Variants in SGK1 observed in about 807,000 individuals in gnomAD.
The protein encoded by SGK1 is serine/threonine-protein kinase Sgk1.
In SGK1, 26 loss-of-function variants were observed where a neutral mutation model predicts 64.2. The ratio of observed to expected loss-of-function variants is 0.40; its 90% CI spans 0.30 to 0.56. The LOEUF (loss-of-function observed/expected upper bound fraction) is 0.56, where lower values mean the gene tolerates loss of function less well. Ranked by LOEUF, SGK1 falls within the 20% of genes least tolerant of loss-of-function variation. SGK1 has a pLI of 0.38. For synonymous variants in SGK1, 265 were observed against 239.7 expected (o/e 1.11, Z -0.98); for missense variants, 519 against 645.6 (o/e 0.80, Z 2.12).
intron 2 of SGK1, among the ~76,000 whole-genome samples, chr6:134,220,559 AT>A (rs761946802): frequency 2.6e-5 from 4 of 152,174 alleles, no homozygotes; most frequent in Non-Finnish European, 5.9e-5. Flanking sequence ...TTACTTGACT[AT>A]GTATGTGCCC....
At chr6:134,303,416 T>C (rs1475237233) in intron 1 of SGK1, among the ~76,000 whole-genome samples, 3 of 151,116 alleles carry the variant, frequency 2.0e-5, no homozygotes, top group African/African-American at 7.3e-5. Flanking sequence ...AAAAAAAAGA[T>C]AGTTAAGGCT....
At chr6:134,176,744 T>G (rs1775243848) in intron 3 of SGK1, among the ~76,000 whole-genome samples, 1 of 152,140 alleles carries the variant, frequency 6.6e-6, no homozygotes, top group Non-Finnish European at 1.5e-5. Context: ...GCCTTTTCCT[T>G]GGTCTTGGGC....
intron 2 of SGK1, among the ~76,000 whole-genome samples, chr6:134,209,025 G>A (rs1775841997): frequency 6.6e-6 from 1 of 151,924 alleles, no homozygotes; most frequent in African/African-American, 2.4e-5. Flanking sequence ...TCTGCATACT[G>A]TTTTCCATAG....
rs367955096 is a variant in SGK1, at chr6:134,313,356, C to CCAAA, written c.69+4032_69+4035dup. On this transcript the variant is annotated intron_variant, in intron 1 of 13. Transcript: ENST00000367858. ...CTTGTCTCTGCAAACAACCAACCAA[C>CCAAA]CAAACAAACAAACAAAAATAACAAC... Among the ~76,000 whole-genome samples the CCAAA allele has an allele frequency of 8.5e-4, 129 of 152,128 alleles. 1 individual carries two copies. The South Asian group carries it at 0.014, about 16-fold the overall frequency.
chr6:134,303,814 G>GAAAAT (rs200147383), intron 1 of SGK1, among the ~76,000 whole-genome samples: 1 of 151,052 alleles, frequency 6.6e-6, no homozygotes, highest in Non-Finnish European at 1.5e-5. Flanking sequence ...GAAAAGAAAA[G>GAAAAT]AAAGAAACTT....
In SGK1 at chr6:134,201,307, G is replaced by A. The variant is rs555713690; in HGVS notation, c.361+6049C>T. 7.9e-5 allele frequency among the ~76,000 whole-genome samples: 12 copies of A among 151,764 alleles called. 1 individual carries two copies. The highest frequency in any genetic ancestry group is 5.9e-4 in the East Asian group (3 of 5,084). On this transcript the variant is annotated intron_variant, in intron 3 of 13. Coordinates refer to ENST00000367858, the MANE Select transcript of SGK1 (RefSeq NM_001143676.3). The stretch of plus-strand genomic sequence containing the variant: ...CATCTCCTGACCTCATGATCCGCCC[G>A]TCTCGGCCTCCCAAGGTGCTGGGAT...
intron 3 of SGK1, among the ~76,000 whole-genome samples, chr6:134,176,942 G>A (rs1322050733): frequency 2.6e-5 from 4 of 152,222 alleles, no homozygotes; most frequent in African/African-American, 9.7e-5. Context: ...GGGGCCGGGC[G>A]CAGTGGCTCA....
intron 1 of SGK1, chr6:134,297,076 T>C: frequency 4.2e-6 from 2 of 480,720 alleles, no homozygotes; most frequent in Non-Finnish European, 7.9e-6. Context: ...ACAGCCCTGG[T>C]GGAGCTGATG....
intron 2 of SGK1, among the ~76,000 whole-genome samples, chr6:134,210,774 G>A (rs979424277): frequency 2.1e-5 from 3 of 145,448 alleles, no homozygotes; most frequent in African/African-American, 5.2e-5. Flanking sequence ...ATTGTGTCAC[G>A]GCACTCCTGC....
chr6:134,201,316 T>C (rs1380277087), intron 3 of SGK1, among the ~76,000 whole-genome samples: 2 of 151,956 alleles, frequency 1.3e-5, no homozygotes, highest in African/African-American at 2.4e-5. Flanking sequence ...CGTCTCGGCC[T>C]CCCAAGGTGC....
intron 3 of SGK1, among the ~76,000 whole-genome samples, chr6:134,187,039 C>T (rs1775436551): frequency 6.6e-6 from 1 of 152,078 alleles, no homozygotes; most frequent in Non-Finnish European, 1.5e-5. Flanking sequence ...TGGTCTCGAA[C>T]TCCTAACCTC....
At position 134,170,221 on chromosome 6, in the gene SGK1, A is replaced by T. The variant is rs745855329; in HGVS notation, c.*47T>A. 2 of 1,525,550 alleles carry T rather than the reference A, an allele frequency of 1.3e-6. No individual in the cohort carries two copies. Among genetic ancestry groups the T allele is most frequent in the Non-Finnish European group, 1.8e-6 (2 of 1,120,822 alleles). 94.5% of individuals were successfully genotyped at this position (1,525,550 alleles called of 1,614,324 possible). ...GCTCCACCAAAAGGCTAACTAAAAC[A>T]TTCGGAAACACACATAAAATCCTTT... On this transcript the variant is annotated 3_prime_UTR_variant, in exon 14 of 14. Coordinates refer to ENST00000367858, the MANE Select transcript of SGK1 (RefSeq NM_001143676.3).
chr6:134,250,538 T>C (rs1484811238), intron 2 of SGK1, among the ~76,000 whole-genome samples: 1 of 152,192 alleles, frequency 6.6e-6, no homozygotes, highest in Non-Finnish European at 1.5e-5. Context: ...TATGGACAAA[T>C]GTGTGTCTCA....
At position 134,174,951 on chromosome 6, in the gene SGK1, G is replaced by GCCTCGCC. The variant is rs753004654; in HGVS notation, c.362-372_362-366dup. 8.2e-4 allele frequency: 1,167 copies of GCCTCGCC among 1,425,582 alleles called. 1 individual carries two copies. Among genetic ancestry groups the GCCTCGCC allele is most frequent in the Non-Finnish European group, 9.9e-4 (1,073 of 1,080,660 alleles). The allele number at this position is 1,425,582 out of a possible 1,614,324, so 88.3% of individuals were successfully genotyped here. On this transcript the variant is annotated intron_variant, in intron 3 of 13. Transcript: ENST00000367858. Reference sequence around the variant, plus strand: ...ACAGTGAGAAGTGGCCCCGCCCTTCGCCTCGCCCCTCGCCCCGCCCCGGCC... The same window carrying GCCTCGCC: ...ACAGTGAGAAGTGGCCCCGCCCTTCGCCTCGCCCCTCGCCCCTCGCCCCGCCCCGGCC...
intron 2 of SGK1, among the ~76,000 whole-genome samples, chr6:134,230,772 C>G (rs6569935): frequency 0.84 from 128,139 of 152,232 alleles, 54,446 homozygotes; most frequent in East Asian, 1. Context: ...CCAGCACTTT[C>G]GGAGGCCGAG....
At chr6:134,241,637 T>C (rs1334357495) in intron 2 of SGK1, among the ~76,000 whole-genome samples, 1 of 152,142 alleles carries the variant, frequency 6.6e-6, no homozygotes, top group East Asian at 1.9e-4. Context: ...TATTTATTTT[T>C]TGAGATGGAG....
At chr6:134,189,238 G>T (rs924151926) in intron 3 of SGK1, among the ~76,000 whole-genome samples, 1 of 151,832 alleles carries the variant, frequency 6.6e-6, no homozygotes, top group Non-Finnish European at 1.5e-5. Flanking sequence ...GCGTGTGCGT[G>T]TGCATGTGTG....
chr6:134,255,574 ATTTTTTTTTTTT>A (rs11318242), intron 2 of SGK1, among the ~76,000 whole-genome samples: 2 of 78,852 alleles, frequency 2.5e-5, no homozygotes, highest in Non-Finnish European at 4.9e-5. Flanking sequence ...AGAGATTTTG[ATTTTTTTTTTTT>A]TTTTTTTTTT....
chr6:134,267,145 A>G (rs1250781497), intron 1 of SGK1, among the ~76,000 whole-genome samples: 2 of 151,956 alleles, frequency 1.3e-5, no homozygotes, highest in South Asian at 2.1e-4. Flanking sequence ...CGCACTCTAG[A>G]GCTTGAGTTA....
Sources: allele counts gnomAD v4.1 joint callset (sites outside exome capture counted in the v4.1 genomes callset), GRCh38; gene constraint gnomAD v4.1.1; transcripts MANE v1.5; gene names NCBI Gene and HGNC (gene_info 2026-07-23, HGNC 2026-07-21).